Variants in LINGO2 observed in about 807,000 individuals in gnomAD.
LINGO2 encodes the protein leucine-rich repeat and immunoglobulin-like domain-containing nogo receptor-interacting protein 2.
LINGO2 carries 14 observed loss-of-function variants against 30.6 expected under a neutral mutation model. The ratio of observed to expected loss-of-function variants is 0.46; its 90% CI spans 0.30 to 0.72. The LOEUF (loss-of-function observed/expected upper bound fraction) is 0.72, where lower values mean the gene tolerates loss of function less well. LINGO2 is among the 30% of genes least tolerant of loss of function. LINGO2 has a pLI of 0.07. For synonymous variants in LINGO2, 317 were observed against 288.5 expected (o/e 1.10, Z -1.00); for missense variants, 729 against 751.7 (o/e 0.97, Z 0.35).
At chr9:28,997,291 A>G in the LINGO2 span, among the ~76,000 whole-genome samples, 1 of 152,086 alleles carries the variant, frequency 6.6e-6, no homozygotes, top group Non-Finnish European at 1.5e-5. Context: ...ACATAAAATA[A>G]TAAAAATAAT....
the LINGO2 span, among the ~76,000 whole-genome samples, chr9:28,887,992 T>C: frequency 1.3e-5 from 2 of 152,156 alleles, no homozygotes; most frequent in African/African-American, 4.8e-5. Context: ...CTTCATTGAA[T>C]GTTTTGAAGA....
chr9:28,464,903 G>C (rs778146780), intron 2 of LINGO2, among the ~76,000 whole-genome samples: 43 of 152,202 alleles, frequency 2.8e-4, no homozygotes, highest in Non-Finnish European at 5.3e-4. Flanking sequence ...CAGTTTGTGG[G>C]ACTCATGAAG....
chr9:28,936,578 T>C, the LINGO2 span, among the ~76,000 whole-genome samples: 2 of 152,206 alleles, frequency 1.3e-5, no homozygotes, highest in Non-Finnish European at 2.9e-5. Context: ...AGAATGACAC[T>C]GAGTTCTCCA....
chr9:28,780,533 G>C, the LINGO2 span, among the ~76,000 whole-genome samples: 9 of 152,092 alleles, frequency 5.9e-5, no homozygotes, highest in Non-Finnish European at 1.2e-4. Context: ...ATGTGGAAGA[G>C]GAAGATGAGA....
intron 2 of LINGO2, among the ~76,000 whole-genome samples, chr9:28,472,060 C>T (rs1825540912): frequency 6.6e-6 from 1 of 152,016 alleles, no homozygotes; most frequent in Non-Finnish European, 1.5e-5. Context: ...GAATTTGTGA[C>T]TTGGAAAGAA....
intron 5 of LINGO2, among the ~76,000 whole-genome samples, chr9:28,012,094 T>C (rs1470825501): frequency 6.6e-6 from 1 of 152,026 alleles, no homozygotes. Context: ...CCCAGAAGAG[T>C]TGGTTTAGGA....
the LINGO2 span, among the ~76,000 whole-genome samples, chr9:29,150,707 A>AT: frequency 6.6e-6 from 1 of 152,154 alleles, no homozygotes; most frequent in African/African-American, 2.4e-5. Flanking sequence ...TCAACAGTCA[A>AT]TTTTTTTGAT....
chr9:28,420,389 T>G (rs1823145577), intron 2 of LINGO2, among the ~76,000 whole-genome samples: 1 of 152,034 alleles, frequency 6.6e-6, no homozygotes, highest in African/African-American at 2.4e-5. Context: ...TATATAGTTT[T>G]TAATTTAAAC....
intron 4 of LINGO2, among the ~76,000 whole-genome samples, chr9:28,092,102 T>C (rs966178277): frequency 2.0e-5 from 3 of 152,186 alleles, no homozygotes; most frequent in African/African-American, 7.2e-5. Flanking sequence ...TTGGTGGGAC[T>C]GTAAACTGGT....
At chr9:28,744,596 C>T in the LINGO2 span, among the ~76,000 whole-genome samples, 1 of 131,832 alleles carries the variant, frequency 7.6e-6, no homozygotes, top group Admixed American at 8.6e-5. Flanking sequence ...TTTCCTGGCT[C>T]AGATATTCCC....
chr9:29,145,569 T>C, the LINGO2 span, among the ~76,000 whole-genome samples: 9 of 152,206 alleles, frequency 5.9e-5, no homozygotes, highest in East Asian at 1.7e-3. Context: ...TCTGTCTCTG[T>C]ACAATTAAAT....
chr9:28,530,944 G>A (rs999611285), intron 1 of LINGO2, among the ~76,000 whole-genome samples: 20 of 150,974 alleles, frequency 1.3e-4, no homozygotes, highest in East Asian at 9.7e-4. Context: ...ATGATGCACC[G>A]TCACTAGGAC....
intron 2 of LINGO2, among the ~76,000 whole-genome samples, chr9:28,403,574 C>T (rs917937939): frequency 6.6e-6 from 1 of 151,916 alleles, no homozygotes; most frequent in African/African-American, 2.4e-5. Flanking sequence ...CTCTTCTAAA[C>T]TTATCGAGGC....
intron 1 of LINGO2, among the ~76,000 whole-genome samples, chr9:28,570,082 C>T (rs1340690330): frequency 1.3e-5 from 2 of 151,794 alleles, no homozygotes; most frequent in South Asian, 2.1e-4. Flanking sequence ...GCTACATATT[C>T]AGAGAAAACA....
the LINGO2 span, among the ~76,000 whole-genome samples, chr9:28,716,167 A>G: frequency 1.3e-5 from 2 of 151,936 alleles, no homozygotes; most frequent in South Asian, 2.1e-4. Flanking sequence ...GCATTAAAAA[A>G]AAAAACAACA....
intron 4 of LINGO2, among the ~76,000 whole-genome samples, chr9:28,067,736 A>G (rs1033280326): frequency 6.6e-6 from 1 of 152,182 alleles, no homozygotes; most frequent in African/African-American, 2.4e-5. Flanking sequence ...CTTTAAGGGC[A>G]TGCTGCTACC....
At chr9:28,632,478 A>C (rs945011597) in intron 1 of LINGO2, among the ~76,000 whole-genome samples, 15 of 151,020 alleles carry the variant, frequency 9.9e-5, no homozygotes, top group African/African-American at 3.6e-4. Context: ...CAGGTGGATT[A>C]GTCAGGGTTC....
At chr9:28,258,484 C>T (rs1021750444) in intron 4 of LINGO2, among the ~76,000 whole-genome samples, 2 of 151,754 alleles carry the variant, frequency 1.3e-5, no homozygotes, top group African/African-American at 4.8e-5. Context: ...CTTTTCTGGA[C>T]CCTGAATTAT....
At chr9:29,103,132 T>C in the LINGO2 span, among the ~76,000 whole-genome samples, 2 of 152,106 alleles carry the variant, frequency 1.3e-5, no homozygotes, top group African/African-American at 4.8e-5. Flanking sequence ...TATAATTCTA[T>C]TCACAGCACC....
Sources: gnomAD v4.1 joint callset for allele counts (sites outside exome capture counted in the v4.1 genomes callset) on GRCh38, gnomAD v4.1.1 for gene constraint, MANE v1.5 for transcripts, NCBI Gene and HGNC (gene_info 2026-07-23, HGNC 2026-07-21) for gene names.